LRGUK: variants seen among roughly 807,000 people sequenced by gnomAD.
LRGUK encodes the protein leucine rich repeats and guanylate kinase domain containing.
Under a neutral mutation model 76.0 loss-of-function variants are expected in LRGUK, and 65 were observed. The ratio of observed to expected loss-of-function variants is 0.85; its 90% CI spans 0.70 to 1.05. LRGUK has a LOEUF of 1.05. Ranked by LOEUF, LRGUK falls within the 50% of genes least tolerant of loss-of-function variation. The pLI, the probability that LRGUK is intolerant of heterozygous loss-of-function variation, is 0.00. For synonymous variants in LRGUK, 268 were observed against 265.6 expected (o/e 1.01, Z -0.09); for missense variants, 758 against 732.8 (o/e 1.03, Z -0.40).
At chr7:134,164,210 T>G (rs1798876398) in intron 7 of LRGUK, among the ~76,000 whole-genome samples, 2 of 152,232 alleles carry the variant, frequency 1.3e-5, no homozygotes, top group South Asian at 4.1e-4. Flanking sequence ...GTCATGATGT[T>G]GTACACAGTA....
chr7:134,217,164 T>G (rs1801455945), intron 15 of LRGUK, among the ~76,000 whole-genome samples: 2 of 151,850 alleles, frequency 1.3e-5, no homozygotes, highest in South Asian at 4.2e-4. Context: ...TTTTTTTTTT[T>G]TTTTTCGGAA....
intron 1 of LRGUK, among the ~76,000 whole-genome samples, chr7:134,134,680 T>C (rs1202746030): frequency 6.6e-6 from 1 of 152,206 alleles, no homozygotes; most frequent in Non-Finnish European, 1.5e-5. Context: ...AGATGAACTT[T>C]AAAGGGCTAG....
intron 1 of LRGUK, among the ~76,000 whole-genome samples, chr7:134,135,742 G>T (rs2116815693): frequency 6.6e-6 from 1 of 152,280 alleles, no homozygotes; most frequent in East Asian, 1.9e-4. Flanking sequence ...TGCAAGCTCT[G>T]CCTCCTGGGT....
At chr7:134,194,409 C>T (rs1025773837) in intron 12 of LRGUK, among the ~76,000 whole-genome samples, 3 of 152,026 alleles carry the variant, frequency 2.0e-5, no homozygotes, top group Non-Finnish European at 2.9e-5. Flanking sequence ...GAGTGTTAGT[C>T]AGGGTTCTCC....
chr7:134,136,701 T>C (rs1444031538), intron 1 of LRGUK, among the ~76,000 whole-genome samples: 1 of 152,210 alleles, frequency 6.6e-6, no homozygotes, highest in East Asian at 1.9e-4. Context: ...GTACAGTGTC[T>C]GGAATAGAGA....
At chr7:134,127,761 TC>T in intron 1 of LRGUK, 97 bp downstream of exon 1, 1 of 1,360,086 alleles carries the variant, frequency 7.4e-7, no homozygotes, top group Non-Finnish European at 9.9e-7. Context: ...GCCCGAAGCT[TC>T]CCACACCTTC....
chr7:134,233,104 G>A (rs1309423780), intron 16 of LRGUK, among the ~76,000 whole-genome samples: 1 of 152,160 alleles, frequency 6.6e-6, no homozygotes, highest in Non-Finnish European at 1.5e-5. Context: ...CTCATGTATA[G>A]GTTACAGATG....
At chr7:134,129,257 T>TCTCCCTCCCTCCCTTC (rs1296364224) in intron 1 of LRGUK, among the ~76,000 whole-genome samples, 1 of 107,756 alleles carries the variant, frequency 9.3e-6, no homozygotes, top group Non-Finnish European at 1.9e-5. Flanking sequence ...TCCCTCTCTC[T>TCTCCCTCCCTCCCTTC]CTCCCTCCCT....
chr7:134,263,695 G>T, intron 19 of LRGUK, 150 bp from the exon 20 acceptor site: 32 of 465,296 alleles, frequency 6.9e-5, no homozygotes, highest in Middle Eastern at 6.3e-4. Context: ...AATTATAGGT[G>T]TAAGCCACTG....
intron 14 of LRGUK, among the ~76,000 whole-genome samples, 193 bp from the exon 15 acceptor site, chr7:134,201,288 C>G (rs1004872470): frequency 6.6e-6 from 1 of 152,184 alleles, no homozygotes; most frequent in Non-Finnish European, 1.5e-5. Flanking sequence ...ATTGCCTTCA[C>G]AGGTTCTGCC....
intron 16 of LRGUK, among the ~76,000 whole-genome samples, chr7:134,244,057 T>C (rs1802232889): frequency 6.6e-6 from 1 of 152,138 alleles, no homozygotes; most frequent in Non-Finnish European, 1.5e-5. Context: ...TAATTCAAGA[T>C]GGATTAAAGA....
At chr7:134,163,954 G>C (rs1415790163) in intron 7 of LRGUK, among the ~76,000 whole-genome samples, 2 of 152,100 alleles carry the variant, frequency 1.3e-5, no homozygotes, top group African/African-American at 4.8e-5. Context: ...GGCCATGATG[G>C]GGGGAGTGTT....
chr7:134,139,285 CT>C, intron 2 of LRGUK, 150 bp from the exon 3 acceptor site: 1 of 581,916 alleles, frequency 1.7e-6, no homozygotes, highest in Non-Finnish European at 3.0e-6. Context: ...TTTTGAGATC[CT>C]ATTAGTAGCA....
At chr7:134,175,261 T>G (rs1333664648) in intron 8 of LRGUK, among the ~76,000 whole-genome samples, 1 of 152,196 alleles carries the variant, frequency 6.6e-6, no homozygotes, top group Non-Finnish European at 1.5e-5. Context: ...TGTCTGTTTG[T>G]CCTTCATTCC....
chr7:134,146,189 G>A (rs1171758852), intron 4 of LRGUK, among the ~76,000 whole-genome samples: 4 of 151,962 alleles, frequency 2.6e-5, no homozygotes, highest in African/African-American at 7.3e-5. Context: ...CAGGAGAATC[G>A]CTTGAACTGG....
intron 16 of LRGUK, among the ~76,000 whole-genome samples, chr7:134,227,442 A>T (rs1176817350): frequency 1.3e-5 from 2 of 152,188 alleles, no homozygotes; most frequent in Admixed American, 1.3e-4. Context: ...GGCAGAAAAA[A>T]TATATATAAA....
intron 6 of LRGUK, among the ~76,000 whole-genome samples, chr7:134,162,657 T>C (rs776197714): frequency 6.6e-6 from 1 of 151,782 alleles, no homozygotes; most frequent in African/African-American, 2.4e-5. Context: ...TGAAACCCCA[T>C]CTCTACTAAA....
chr7:134,252,918 C>T (rs1471970041), intron 18 of LRGUK, among the ~76,000 whole-genome samples: 2 of 152,192 alleles, frequency 1.3e-5, no homozygotes, highest in Non-Finnish European at 2.9e-5. Context: ...TTAAGACTGG[C>T]TCCTACCCTT....
At chr7:134,255,858 TC>T (rs1436672952) in intron 18 of LRGUK, among the ~76,000 whole-genome samples, 1 of 152,082 alleles carries the variant, frequency 6.6e-6, no homozygotes, top group African/African-American at 2.4e-5. Context: ...TCAGCATGAT[TC>T]CTTGCCGAGG....
Sources: gnomAD v4.1 joint callset for allele counts (sites outside exome capture counted in the v4.1 genomes callset) on GRCh38, gnomAD v4.1.1 for gene constraint, MANE v1.5 for transcripts, NCBI Gene and HGNC (gene_info 2026-07-23, HGNC 2026-07-21) for gene names.